Variants in TUBGCP2 observed in about 807,000 individuals in gnomAD.
The protein encoded by TUBGCP2 is gamma-tubulin complex component 2.
A neutral mutation model predicts 92.2 loss-of-function variants in TUBGCP2; 55 were observed. The ratio of observed to expected loss-of-function variants is 0.60; its 90% CI spans 0.48 to 0.75. The LOEUF (loss-of-function observed/expected upper bound fraction) is 0.75. TUBGCP2 is among the 30% of genes least tolerant of loss of function. TUBGCP2 has a pLI of 0.00. For synonymous variants in TUBGCP2, 533 were observed against 505.2 expected (o/e 1.06, Z -0.74); for missense variants, 1,093 against 1,188.9 (o/e 0.92, Z 1.19).
upstream of TUBGCP2, chr10:133,312,013 T>TAAC: frequency 1.3e-6 from 2 of 1,576,790 alleles, no homozygotes; most frequent in Non-Finnish European, 8.6e-7. Flanking sequence ...GTCCTGTGAA[T>TAAC]AACTTAGTTT....
At position 133,283,977 on chromosome 10, in the gene TUBGCP2, G is replaced by T; in HGVS notation, c.2050C>A (p.Gln684Lys). ...TTCTGGACGAAGTTGAGCATTCGCT[G>T]CCGCAGAGTGAAAGCCCCAGCAAAC... ...QWFAGAFTLR[Q>K]RMLNFVQNIQ... The change falls in exon 14 of 18, where the codon CAG becomes AAG. Residue 684 changes from glutamine (Q) to lysine (K), a missense_variant. By Grantham distance (53) the Gln-to-Lys change is moderately conservative (BLOSUM62 1). Around this residue, in one of 3 missense-constraint regions of TUBGCP2, gnomAD observed 598 missense variants for 675.5 expected, o/e 0.89. Transcript: ENST00000252936. 1.9e-6 allele frequency: 3 copies of T among 1,613,948 alleles called. No homozygotes were observed. Among genetic ancestry groups the T allele is most frequent in the Non-Finnish European group, 2.5e-6 (3 of 1,179,966 alleles).
chr10:133,290,212 G>A, intron 8 of TUBGCP2: 2 of 495,672 alleles, frequency 4.0e-6, no homozygotes, highest in South Asian at 4.8e-5. Context: ...ACGAACCTAG[G>A]GGCCGGGCAC....
At chr10:133,309,591 G>A, upstream of TUBGCP2, 1 of 1,290,424 alleles carries the variant, frequency 7.7e-7, no homozygotes, top group Non-Finnish European at 1.1e-6. Context: ...TGCCTGTCCA[G>A]CTTTGGCGTG....
Position 133,285,258 on chromosome 10 carries a change from CGG to C in TUBGCP2, c.1896-47_1896-46del, listed in dbSNP as rs1379755108. On this transcript the variant is annotated intron_variant, in intron 12 of 17. Coordinates refer to ENST00000252936, the MANE Select transcript of TUBGCP2 (RefSeq NM_006659.4). The surrounding 1 kb of genome is among the most constrained non-coding windows in gnomAD (Gnocchi z 6.8). Reference sequence around the variant, plus strand: ...ACCTCAGGTGGGCCTCCGTGACCGGCGGCGTCGTGGACACGGCGTCTGTACTC... The same window carrying C: ...ACCTCAGGTGGGCCTCCGTGACCGGCCGTCGTGGACACGGCGTCTGTACTC... 22 of 1,607,214 alleles carry C rather than the reference CGG, an allele frequency of 1.4e-5. No individual in the cohort carries two copies. The highest frequency in any genetic ancestry group is 1.9e-5 in the Non-Finnish European group (22 of 1,179,706).
chr10:133,287,459 C>T (rs58027302), intron 11 of TUBGCP2, among the ~76,000 whole-genome samples: 1,720 of 152,160 alleles, frequency 0.011, 31 homozygotes, highest in African/African-American at 0.039. Flanking sequence ...TTTTAAAAAA[C>T]GGCTGGGCAC....
intron 15 of TUBGCP2, 127 bp downstream of exon 15, chr10:133,282,951 A>C: frequency 7.6e-7 from 1 of 1,315,394 alleles, no homozygotes; most frequent in South Asian, 1.4e-5. Context: ...GGAAACACTC[A>C]GATCCCAGCG....
At position 133,282,301 on chromosome 10, in the gene TUBGCP2, C is replaced by T; in HGVS notation, c.2331G>A (p.Gly777=). 6.2e-7 allele frequency: 1 copy of T among 1,606,042 alleles called. No homozygotes were observed. Among genetic ancestry groups the T allele is most frequent in the South Asian group, 1.1e-5 (1 of 90,548 alleles). Residue 777 remains glycine, a synonymous_variant, in exon 16 of 18, where the codon GGG becomes GGA. Coordinates refer to ENST00000252936, the MANE Select transcript of TUBGCP2 (RefSeq NM_006659.4). ...QSMKLDGELG[G]QTLEHSTVLG... ...GGACGGTGCTGTGCTCCAGCGTCTG[C>T]CCGCCCAGCTCGCCATCTAATTTCA...
rs1452283984 is a variant in TUBGCP2, at chr10:133,292,825, G to A, written c.1025-137C>T. The A allele has an allele frequency of 9.1e-6, 11 of 1,204,954 alleles. 1 individual carries two copies. Among genetic ancestry groups the A allele is most frequent in the South Asian group, 3.1e-5 (2 of 64,176 alleles). The allele number at this position is 1,204,954 out of a possible 1,614,324, so 74.6% of individuals were successfully genotyped here. On this transcript the variant is annotated intron_variant, in intron 7 of 17. Coordinates refer to ENST00000252936, the MANE Select transcript of TUBGCP2 (RefSeq NM_006659.4). ...TGCTTCTTTGGGATACGTATTAACT[G>A]TAAGGTTGTAGTTGCTGATTTCAGC...
chr10:133,312,131 C>T (rs1352554866), upstream of TUBGCP2: 2 of 1,432,124 alleles, frequency 1.4e-6, no homozygotes, highest in Middle Eastern at 2.6e-4. Flanking sequence ...GCAGTTGCTT[C>T]AGTCACAACC....
chr10:133,285,643 A>T lies in TUBGCP2; in HGVS notation c.1723-15T>A. The stretch of plus-strand genomic sequence containing the variant: ...ATCAGGTCGATCTTGGAGGGAAGGA[A>T]ATGAAACAAAGCATCCAGTTTTAAG... On this transcript the variant is annotated splice_polypyrimidine_tract_variant and intron_variant, in intron 11 of 17. Coordinates refer to ENST00000252936, the MANE Select transcript of TUBGCP2 (RefSeq NM_006659.4). This position sits in a 1 kb window ranked among gnomAD's most constrained non-coding sequence, Gnocchi z 6.8. The T allele has an allele frequency of 6.7e-7, 1 of 1,499,820 alleles. No individual in the cohort carries two copies. 92.9% of individuals were successfully genotyped at this position (1,499,820 alleles called of 1,614,324 possible). A position where few individuals can be genotyped will look rare whatever the true frequency, so the allele number is the denominator to read the frequency against.
intron 4 of TUBGCP2, among the ~76,000 whole-genome samples, chr10:133,298,544 C>T (rs1847544576): frequency 6.6e-6 from 1 of 152,276 alleles, no homozygotes; most frequent in African/African-American, 2.4e-5. Flanking sequence ...TGCATCCTTA[C>T]CCTGCCGGAG....
chr10:133,283,143 G>A lies in TUBGCP2; in HGVS notation c.2224C>T (p.Pro742Ser). The change falls in exon 15 of 18, where the codon CCC (proline) becomes TCC (serine). Residue 742 changes from proline to serine, a missense_variant. Pro to Ser is a moderately conservative substitution (Grantham distance 74, BLOSUM62 -1). Around this residue, in one of 3 missense-constraint regions of TUBGCP2, gnomAD observed 598 missense variants for 675.5 expected, o/e 0.89. Transcript: ENST00000252936. ...TTGGAGAAGACCTTCAGCAGCTCGGGGTTGGTGAGCATGCAGTCCTTCAGG... is the reference window on the plus strand; with the variant it reads ...TTGGAGAAGACCTTCAGCAGCTCGGAGTTGGTGAGCATGCAGTCCTTCAGG... ...TCLKDCMLTN[P>S]ELLKVFSKLM... 6.2e-7 allele frequency: 1 copy of A among 1,614,272 alleles called. No individual in the cohort carries two copies. The highest frequency in any genetic ancestry group is 8.5e-7 in the Non-Finnish European group (1 of 1,180,058).
intron 13 of TUBGCP2, among the ~76,000 whole-genome samples, chr10:133,284,401 C>T (rs958249110): frequency 1.3e-5 from 2 of 152,226 alleles, no homozygotes; most frequent in Non-Finnish European, 2.9e-5. Flanking sequence ...GTCTTGCTGT[C>T]GCTCAGACTG....
chr10:133,293,562 C>T lies in TUBGCP2; in HGVS notation c.824G>A (p.Arg275Lys). Residue 275 changes from arginine to lysine, a missense_variant and splice_region_variant, in exon 6 of 18, where the codon AGG becomes AAG. Transcript: ENST00000252936. ...PVAASYSAVT[R>K]FIEEKSSFEY... ...CCCAGGGACCGCGCCCGGTGCCCACCTGGTCACAGCGGAGTAGCTGGCGGC... is the reference window on the plus strand; with the variant it reads ...CCCAGGGACCGCGCCCGGTGCCCACTTGGTCACAGCGGAGTAGCTGGCGGC... The T allele has an allele frequency of 6.4e-7, 1 of 1,551,452 alleles. No homozygotes were observed. Among genetic ancestry groups the T allele is most frequent in the Non-Finnish European group, 8.7e-7 (1 of 1,147,288 alleles).
rs992511184 is a variant in TUBGCP2 at position 133,282,222 on chromosome 10, C to T, written c.2409+1G>A. 6.2e-7 allele frequency: 1 copy of T among 1,611,858 alleles called. No individual in the cohort carries two copies. The highest frequency in any genetic ancestry group is 8.5e-7 in the Non-Finnish European group (1 of 1,179,730). On this transcript the variant is annotated splice_donor_variant, in intron 16 of 17. Transcript: ENST00000252936. LOFTEE classifies it high-confidence loss of function. Reference sequence around the variant, plus strand: ...TCTGGCCAAACCTGGAGGCCACGCACCTTCCTGGCGAGCTCCTTCCGGGCC... The same window carrying T: ...TCTGGCCAAACCTGGAGGCCACGCATCTTCCTGGCGAGCTCCTTCCGGGCC...
chr10:133,292,917 G>T, intron 7 of TUBGCP2, 122 bp downstream of exon 7: 1 of 1,211,516 alleles, frequency 8.3e-7, no homozygotes, highest in Non-Finnish European at 1.1e-6. Flanking sequence ...CATGAGCTTT[G>T]GCCACACGCC....
chr10:133,309,126 T>A, upstream of TUBGCP2: 1 of 1,360,100 alleles, frequency 7.4e-7, no homozygotes, highest in Non-Finnish European at 9.5e-7. Context: ...AAAAAGTAGT[T>A]GTAGGATCCA....
At chr10:133,294,271 A>G (rs567010362) in intron 5 of TUBGCP2, among the ~76,000 whole-genome samples, 8 of 152,316 alleles carry the variant, frequency 5.3e-5, no homozygotes, top group African/African-American at 1.9e-4. Context: ...GCCGCCACCC[A>G]CCAAACCCCT....
At position 133,279,710 on chromosome 10, in the gene TUBGCP2, C is replaced by A; in HGVS notation, c.*56G>T. Reference sequence around the variant, plus strand: ...AGCATTCGATTTGAAAATTCTGGACCCATTTGCACCAGTCCCTGCTGACCC... The same window carrying A: ...AGCATTCGATTTGAAAATTCTGGACACATTTGCACCAGTCCCTGCTGACCC... On this transcript the variant is annotated 3_prime_UTR_variant, in exon 18 of 18. Transcript: ENST00000252936. The A allele has an allele frequency of 6.7e-7, 1 of 1,485,272 alleles. No individual in the cohort carries two copies. The highest frequency in any genetic ancestry group is 1.4e-5 in the African/African-American group (1 of 69,656). 92.0% of individuals were successfully genotyped at this position (1,485,272 alleles called of 1,614,324 possible). A position where few individuals can be genotyped will look rare whatever the true frequency, so the allele number is the denominator to read the frequency against.
Sources: allele counts gnomAD v4.1 joint callset (sites outside exome capture counted in the v4.1 genomes callset), GRCh38; gene constraint gnomAD v4.1.1; regional missense constraint gnomAD v4.1.1; non-coding constraint Gnocchi (gnomAD v3.1); transcripts MANE v1.5; gene names NCBI Gene and HGNC (gene_info 2026-07-23, HGNC 2026-07-21).